The following GGA2 variants were observed in gnomAD, a reference collection of about 807,000 sequenced individuals.
The protein encoded by GGA2 is ADP-ribosylation factor-binding protein GGA2.
A neutral mutation model predicts 79.5 loss-of-function variants in GGA2; 48 were observed. The ratio of observed to expected loss-of-function variants is 0.60; its 90% confidence interval spans 0.48 to 0.77. GGA2 has a LOEUF of 0.77. Ranked by LOEUF, GGA2 falls within the 30% of genes least tolerant of loss-of-function variation. The probability of loss-of-function intolerance (pLI) is 0.00; values close to 1 mark genes in which losing one functional copy is unlikely to be tolerated. For missense variants in GGA2, 770 were observed against 774.0 expected (o/e 0.99, Z 0.06); for synonymous variants, 317 against 302.0 (o/e 1.05, Z -0.51).
rs1964490212 is a variant in GGA2, at chr16:23,470,050, C to T, written c.1566G>A (p.Met522Ile). ...CCCAGACAGGCTGGGGAGCCGTGCT[C>T]ATCATGGTCAAGAGCAGCACCTGTA... ...PEVQVLLLTM[M>I]STAPQPVWDI... Residue 522 changes from methionine (M) to isoleucine (I), a missense_variant, in exon 15 of 17, where the codon ATG becomes ATA. Transcript: ENST00000309859. The T allele has an allele frequency of 1.2e-6, 2 of 1,606,854 alleles. No individual in the cohort carries two copies. Among genetic ancestry groups the T allele is most frequent in the South Asian group, 1.1e-5 (1 of 89,122 alleles).
chr16:23,492,803 C>T (rs569738345), intron 4 of GGA2, among the ~76,000 whole-genome samples: 4 of 152,328 alleles, frequency 2.6e-5, no homozygotes, highest in South Asian at 2.1e-4. Flanking sequence ...ATGAGACTCA[C>T]GGCTGGCAGC....
At chr16:23,478,732 A>T in intron 12 of GGA2, 151 bp downstream of exon 12, 1 of 746,012 alleles carries the variant, frequency 1.3e-6, no homozygotes, top group South Asian at 1.4e-5. Flanking sequence ...GCCAGACAGT[A>T]TGGGTGAGGA....
At chr16:23,512,555 T>G (rs1349581826), upstream of GGA2, among the ~76,000 whole-genome samples, 5 of 73,846 alleles carry the variant, frequency 6.8e-5, no homozygotes, top group African/African-American at 2.3e-4. Context: ...AATACTGTTC[T>G]GGGAACACAC....
chr16:23,474,843 T>A, intron 14 of GGA2, 61 bp downstream of exon 14: 1 of 1,256,408 alleles, frequency 8.0e-7, no homozygotes, highest in Non-Finnish European at 1.2e-6. Context: ...TGGAAAAAGC[T>A]GGGAGTCTAA....
chr16:23,488,763 G>T, intron 5 of GGA2, 54 bp from the exon 6 acceptor site: 1 of 988,778 alleles, frequency 1.0e-6, no homozygotes, highest in Non-Finnish European at 1.6e-6. Context: ...AGAAACTTCA[G>T]TCAGAATCCA....
chr16:23,479,688 T>C (rs947079994), intron 11 of GGA2, 77 bp downstream of exon 11: 8 of 1,520,784 alleles, frequency 5.3e-6, no homozygotes, highest in South Asian at 1.2e-5. Context: ...AGCAGGCATG[T>C]GCTCCGCGAA....
intron 1 of GGA2, among the ~76,000 whole-genome samples, chr16:23,521,468 T>C (rs1005647652): frequency 6.6e-6 from 1 of 152,044 alleles, no homozygotes. Context: ...AGTGCATTCA[T>C]AGCTCACTGC....
intron 1 of GGA2, among the ~76,000 whole-genome samples, chr16:23,504,035 C>T (rs1176593948): frequency 2.0e-5 from 3 of 151,102 alleles, no homozygotes; most frequent in Non-Finnish European, 4.4e-5. Flanking sequence ...GAGCCAAGAT[C>T]GTGCCATTGC....
intron 5 of GGA2, among the ~76,000 whole-genome samples, chr16:23,489,911 G>T (rs1279697796): frequency 6.6e-6 from 1 of 150,670 alleles, no homozygotes; most frequent in African/African-American, 2.4e-5. Flanking sequence ...ACCCTTGGAG[G>T]AGGAGCAGGA....
intron 1 of GGA2, chr16:23,521,700 C>A: frequency 2.2e-6 from 1 of 455,284 alleles, no homozygotes; most frequent in Middle Eastern, 3.3e-4. Context: ...ACTGACATTT[C>A]ATTTAGCATG....
chr16:23,470,158 C>T lies in GGA2; in HGVS notation c.1458G>A (p.Leu486=), dbSNP rs1304630189. ...VPLESVKPSS[L]PPLIVYDRNG... ...TCCGGTCATACACAATGAGAGGCGG[C>T]AGGCTGCCTGGTATAAAGGGCACAA... Residue 486 remains leucine, a synonymous_variant, in exon 15 of 17, where the codon CTG becomes CTA. Transcript: ENST00000309859. 2 of 1,597,064 alleles carry T rather than the reference C, an allele frequency of 1.3e-6. No homozygotes were observed. Among genetic ancestry groups the T allele is most frequent in the South Asian group, 1.1e-5 (1 of 87,490 alleles).
intron 11 of GGA2, 61 bp from the exon 12 acceptor site, chr16:23,478,972 G>T: frequency 9.0e-7 from 1 of 1,116,340 alleles, no homozygotes; most frequent in Non-Finnish European, 1.4e-6. Flanking sequence ...CAGATGAAGA[G>T]TAATGCCACA....
At chr16:23,485,909 G>A in intron 8 of GGA2, 106 bp downstream of exon 8, 1 of 1,043,124 alleles carries the variant, frequency 9.6e-7, no homozygotes, top group Non-Finnish European at 1.4e-6. Flanking sequence ...TGTCAGATAT[G>A]TTTACCGTCT....
chr16:23,468,864 T>C (rs780398494), intron 16 of GGA2, 22 bp downstream of exon 16: 7 of 1,465,614 alleles, frequency 4.8e-6, no homozygotes, highest in African/African-American at 1.4e-5. Context: ...ATCTCCCTGC[T>C]ACCACAGACA....
At chr16:23,492,032 G>A (rs186782905) in intron 4 of GGA2, among the ~76,000 whole-genome samples, 3 of 152,168 alleles carry the variant, frequency 2.0e-5, no homozygotes, top group Non-Finnish European at 2.9e-5. Context: ...AAGAGCCTGG[G>A]TCAGAGCCTG....
rs1215384339 is a variant in GGA2 at position 23,467,411 on chromosome 16, C to CACACAT, written c.*178_*179insATGTGT. 8.5e-6 allele frequency: 5 copies of CACACAT among 588,624 alleles called. No homozygotes were observed. In the Admixed American group the frequency reaches 1.3e-4, roughly 16 times the overall value. 36.5% of individuals were successfully genotyped at this position (588,624 alleles called of 1,614,324 possible). On this transcript the variant is annotated 3_prime_UTR_variant, in exon 17 of 17. Transcript: ENST00000309859. ...GAACACACACACACACACACACACA[C>CACACAT]ACACACACACACACACACACACAGA...
intron 8 of GGA2, among the ~76,000 whole-genome samples, chr16:23,483,993 T>TAA (rs769058627): frequency 2.5e-5 from 3 of 119,166 alleles, no homozygotes; most frequent in Non-Finnish European, 1.8e-5. Context: ...AGGAAGACAT[T>TAA]AAAAAAAAAA....
At chr16:23,492,117 TC>T (rs1964796455) in intron 4 of GGA2, among the ~76,000 whole-genome samples, 1 of 152,252 alleles carries the variant, frequency 6.6e-6, no homozygotes, top group Admixed American at 6.5e-5. Flanking sequence ...TTGTTTCCGT[TC>T]CTGGCACAGA....
chr16:23,468,933 G>T lies in GGA2; in HGVS notation c.1684C>A (p.Pro562Thr). Reference protein sequence around the residue: ...SKLPAFSPLMPPAVISQMLLL... With the variant: ...SKLPAFSPLMTPAVISQMLLL... ...AGCATCTGAGATATCACAGCTGGAG[G>T]CATCAAAGGACTGAATGCAGGAAGC... The change falls in exon 16 of 17, where the codon CCT becomes ACT. Residue 562 changes from proline to threonine, a missense_variant. Physicochemically the swap from Pro to Thr is conservative, Grantham distance 38. Transcript: ENST00000309859. 6.2e-7 allele frequency: 1 copy of T among 1,611,056 alleles called. No homozygotes were observed. Among genetic ancestry groups the T allele is most frequent in the African/African-American group, 1.3e-5 (1 of 74,980 alleles).
Sources: allele counts gnomAD v4.1 joint callset (sites outside exome capture counted in the v4.1 genomes callset), GRCh38; gene constraint gnomAD v4.1.1; transcripts MANE v1.5; gene names NCBI Gene and HGNC (gene_info 2026-07-23, HGNC 2026-07-21).